Variants in RBFOX1 observed in about 807,000 individuals in gnomAD.
RBFOX1 encodes RNA binding fox-1 homolog 1, also known as RNA binding protein fox-1 homolog 1.
In RBFOX1, 8 loss-of-function variants were observed where a neutral mutation model predicts 57.7. The observed-to-expected ratio is 0.14, with a 90% CI of 0.08 to 0.25. The LOEUF (loss-of-function observed/expected upper bound fraction) is 0.25. Ranked by LOEUF, RBFOX1 falls within the 10% of genes least tolerant of loss-of-function variation. RBFOX1 has a pLI of 1.00. For missense variants in RBFOX1, 611 were observed against 548.5 expected, an observed-to-expected ratio of 1.11 and a Z score of -1.14; for synonymous variants, 326 against 222.4, an observed-to-expected ratio of 1.47 and a Z score of -4.15.
At chr16:6,579,805 C>T (rs371679604) in intron 2 of RBFOX1, among the ~76,000 whole-genome samples, 168 of 152,142 alleles carry the variant, frequency 1.1e-3, no homozygotes, top group African/African-American at 3.9e-3. Context: ...AGGGTGGTCT[C>T]AAACTCCTGG....
At chr16:7,349,577 C>T (rs547389300) in intron 4 of RBFOX1, among the ~76,000 whole-genome samples, 14 of 152,194 alleles carry the variant, frequency 9.2e-5, no homozygotes, top group African/African-American at 3.1e-4. Flanking sequence ...CCTCCCTTTC[C>T]GTTTTGATAG....
intron 3 of RBFOX1, chr16:7,003,963 C>G (rs1171058616): frequency 2.7e-5 from 4 of 149,538 alleles, no homozygotes; most frequent in African/African-American, 7.4e-5. Flanking sequence ...AAAAACATCC[C>G]ATTTTCCCAG....
At chr16:5,987,899 G>A (rs763759237) in intron 4 of RBFOX1, among the ~76,000 whole-genome samples, 2 of 152,154 alleles carry the variant, frequency 1.3e-5, no homozygotes, top group African/African-American at 2.4e-5. Flanking sequence ...AAGTTACACT[G>A]TGACATGGGA....
intron 1 of RBFOX1, among the ~76,000 whole-genome samples, chr16:6,159,326 C>G (rs748272732): frequency 2.6e-5 from 4 of 152,224 alleles, no homozygotes; most frequent in Admixed American, 6.5e-5. Context: ...ATCTGCCCGC[C>G]TCGGCCTCCC....
intron 2 of RBFOX1, among the ~76,000 whole-genome samples, chr16:6,392,926 C>G (rs866394356): frequency 6.6e-6 from 1 of 152,238 alleles, no homozygotes; most frequent in African/African-American, 2.4e-5. Flanking sequence ...CCACCCTCTT[C>G]TGCCATGAAT....
chr16:6,734,489 CA>C (rs2069556449), intron 3 of RBFOX1, among the ~76,000 whole-genome samples: 1 of 152,164 alleles, frequency 6.6e-6, no homozygotes, highest in Non-Finnish European at 1.5e-5. Flanking sequence ...CAGATGAGGA[CA>C]TGGGTCCAGG....
chr16:5,794,307 C>T (rs996806861), intron 3 of RBFOX1, among the ~76,000 whole-genome samples: 3 of 134,468 alleles, frequency 2.2e-5, no homozygotes, highest in African/African-American at 8.5e-5. Context: ...CTTCCATCTT[C>T]ACCTTCACCT....
chr16:6,956,512 C>G (rs936455243), intron 3 of RBFOX1, among the ~76,000 whole-genome samples: 1 of 152,038 alleles, frequency 6.6e-6, no homozygotes, highest in African/African-American at 2.4e-5. Flanking sequence ...CAGAGTAAAC[C>G]TGGAGTGGGG....
intron 4 of RBFOX1, among the ~76,000 whole-genome samples, chr16:7,111,051 G>T (rs1391345577): frequency 6.6e-6 from 1 of 152,084 alleles, no homozygotes; most frequent in Non-Finnish European, 1.5e-5. Flanking sequence ...TAAAGGTTAA[G>T]AAAAAATACT....
At chr16:7,491,521 C>T (rs943277304) in intron 4 of RBFOX1, among the ~76,000 whole-genome samples, 26 of 151,640 alleles carry the variant, frequency 1.7e-4, no homozygotes, top group Non-Finnish European at 3.4e-4. Context: ...ATCACTTGGC[C>T]CTTCCCTGCT....
intron 3 of RBFOX1, among the ~76,000 whole-genome samples, chr16:5,638,981 C>T (rs1391119437): frequency 1.3e-5 from 2 of 152,162 alleles, no homozygotes; most frequent in South Asian, 2.1e-4. Context: ...TGCAGGTTGT[C>T]ACAGGAGGAA....
At position 7,126,325 on chromosome 16, in the gene RBFOX1, C is replaced by T. The variant is rs745882480; in HGVS notation, c.27+74227C>T. On this transcript the variant is annotated intron_variant, in intron 4 of 15. Transcript: ENST00000550418. ...GGCTTTGGTGGGGGTCATGGGGCAG[C>T]ACCCGCAGGTCTAAATCGAGGTGGG... 8.0e-4 allele frequency: 238 copies of T among 297,268 alleles called. 1 individual carries two copies. Among genetic ancestry groups the T allele is most frequent in the Non-Finnish European group, 1.3e-3 (206 of 154,346 alleles). 18.4% of individuals were successfully genotyped at this position (297,268 alleles called of 1,614,324 possible).
chr16:6,428,324 G>A (rs1416131783), intron 2 of RBFOX1, among the ~76,000 whole-genome samples: 5 of 149,298 alleles, frequency 3.3e-5, no homozygotes, highest in African/African-American at 1.2e-4. Context: ...TCGATGCCTA[G>A]TTAGCATTCC....
intron 1 of RBFOX1, among the ~76,000 whole-genome samples, chr16:5,268,679 G>T (rs941066322): frequency 6.6e-6 from 1 of 152,214 alleles, no homozygotes; most frequent in Admixed American, 6.5e-5. Flanking sequence ...CACCATTTCT[G>T]CCTCTCTCCG....
chr16:6,552,991 C>G (rs1204864619), intron 2 of RBFOX1, among the ~76,000 whole-genome samples: 3 of 152,130 alleles, frequency 2.0e-5, no homozygotes, highest in Non-Finnish European at 2.9e-5. Context: ...AAAGCATCAG[C>G]TGCCCCCTGC....
At chr16:7,215,588 C>T (rs1280906526) in intron 4 of RBFOX1, among the ~76,000 whole-genome samples, 2 of 152,156 alleles carry the variant, frequency 1.3e-5, no homozygotes, top group Admixed American at 6.5e-5. Flanking sequence ...GTTGTACAGC[C>T]ATGACCACAT....
At chr16:5,876,225 C>G (rs529939279) in intron 4 of RBFOX1, among the ~76,000 whole-genome samples, 2 of 152,246 alleles carry the variant, frequency 1.3e-5, no homozygotes, top group African/African-American at 2.4e-5. Flanking sequence ...TTTTAATTAG[C>G]ACCTGAGTCT....
intron 1 of RBFOX1, among the ~76,000 whole-genome samples, chr16:5,412,118 A>G (rs935623957): frequency 6.6e-6 from 1 of 152,030 alleles, no homozygotes; most frequent in Non-Finnish European, 1.5e-5. Flanking sequence ...TGAGACTGAC[A>G]TGGCTTTTTC....
intron 1 of RBFOX1, among the ~76,000 whole-genome samples, chr16:6,247,330 G>A (rs1287714397): frequency 6.6e-6 from 1 of 152,118 alleles, no homozygotes; most frequent in Non-Finnish European, 1.5e-5. Context: ...GAATCACGTG[G>A]TCTCTTCTCT....
Sources: allele counts gnomAD v4.1 joint callset (sites outside exome capture counted in the v4.1 genomes callset), GRCh38; gene constraint gnomAD v4.1.1; transcripts MANE v1.5; gene names NCBI Gene and HGNC (gene_info 2026-07-23, HGNC 2026-07-21).